TRMT1: variants seen among roughly 807,000 people sequenced by gnomAD.
The protein encoded by TRMT1 is tRNA methyltransferase 1, also known as tRNA (guanine(26)-N(2))-dimethyltransferase.
TRMT1 carries 63 observed loss-of-function variants against 75.4 expected under a neutral mutation model. That is an observed-to-expected ratio of 0.84 (90% CI 0.68 to 1.03). The LOEUF (loss-of-function observed/expected upper bound fraction) is 1.03. Ranked by LOEUF, TRMT1 falls within the 50% of genes least tolerant of loss-of-function variation. TRMT1 has a pLI of 0.00. For synonymous variants in TRMT1, 382 were observed against 358.1 expected, an observed-to-expected ratio of 1.07 and a Z score of -0.75; for missense variants, 870 against 905.3, an observed-to-expected ratio of 0.96 and a Z score of 0.50.
chr19:13,110,395 G>A, intron 7 of TRMT1, 89 bp from the exon 8 acceptor site: 1 of 1,422,556 alleles, frequency 7.0e-7, no homozygotes, highest in Non-Finnish European at 9.3e-7. Context: ...TACAGGCTCA[G>A]GGCCAGCTCC....
Position 13,108,776 on chromosome 19 carries a change from A to G in TRMT1, c.1397+605T>C, listed in dbSNP as rs575947364. 6.8e-4 allele frequency among the ~76,000 whole-genome samples: 103 copies of G among 151,216 alleles called. No individual in the cohort carries two copies. The South Asian group carries it at 0.019, about 28-fold the overall frequency. The stretch of plus-strand genomic sequence containing the variant: ...AGGCATGTGCCACCACACCCAGCTA[A>G]TTTTTGTATTTTTAGTAGAGACAGG... On this transcript the variant is annotated intron_variant, in intron 12 of 16. Coordinates refer to ENST00000357720, the MANE Select transcript of TRMT1 (RefSeq NM_001136035.4).
Position 13,105,027 on chromosome 19 carries a change from T to G in TRMT1, c.1888A>C (p.Arg630=). Reference sequence around the variant, plus strand: ...TCAGGGGCAGCATCAGCAGAAACCCTGGGTGTCGGGGGGCTGTGGGAGTAG... The same window carrying G: ...TCAGGGGCAGCATCAGCAGAAACCCGGGGTGTCGGGGGGCTGTGGGAGTAG... The part of the protein sequence containing the change: ...CCYSHSPPTP[R]VSADAAPDCP... The change falls in exon 17 of 17, where the codon AGG becomes CGG. Residue 630 remains arginine, a synonymous_variant. Coordinates refer to ENST00000357720, the MANE Select transcript of TRMT1 (RefSeq NM_001136035.4). 2.5e-6 allele frequency: 4 copies of G among 1,611,488 alleles called. No homozygotes were observed. The highest frequency in any genetic ancestry group is 3.4e-6 in the Non-Finnish European group (4 of 1,178,530).
intron 3 of TRMT1, 78 bp downstream of exon 3, chr19:13,115,919 T>A: frequency 6.2e-7 from 1 of 1,611,792 alleles, no homozygotes; most frequent in South Asian, 1.1e-5. Context: ...CCCCTCTGGA[T>A]TTGGGCGGCA....
chr19:13,105,574 G>A lies in TRMT1; in HGVS notation c.1616C>T (p.Ala539Val), dbSNP rs1025444761. Residue 539 changes from alanine to valine, a missense_variant, in exon 15 of 17, where the codon GCC (alanine) becomes GTC (valine). Transcript: ENST00000357720. Reference protein sequence around the residue: ...LQANFTIREDANPSSRQRGLK... With the variant: ...LQANFTIREDVNPSSRQRGLK... ...TCCTCGCTGTCGGGAGCTGGGGTTGGCATCTTCCCGGATGGTGAAGTTGGC... is the reference window on the plus strand; with the variant it reads ...TCCTCGCTGTCGGGAGCTGGGGTTGACATCTTCCCGGATGGTGAAGTTGGC... 10 of 1,613,742 alleles carry A rather than the reference G, an allele frequency of 6.2e-6. No homozygotes were observed. Among genetic ancestry groups the A allele is most frequent in the Non-Finnish European group, 6.8e-6 (8 of 1,179,980 alleles).
chr19:13,111,759 GCA>G (rs1466141652), intron 7 of TRMT1, among the ~76,000 whole-genome samples: 3 of 150,032 alleles, frequency 2.0e-5, no homozygotes, highest in Non-Finnish European at 3.0e-5. Flanking sequence ...GAGTGCAGTG[GCA>G]CAGTCTCAGC....
intron 14 of TRMT1, among the ~76,000 whole-genome samples, chr19:13,106,043 G>A (rs1568357532): frequency 6.6e-6 from 1 of 151,712 alleles, no homozygotes; most frequent in Non-Finnish European, 1.5e-5. Flanking sequence ...GCCTGGGCAA[G>A]AGAGTGAGCC....
chr19:13,107,129 C>T (rs1293170947), intron 14 of TRMT1, among the ~76,000 whole-genome samples: 1 of 149,352 alleles, frequency 6.7e-6, no homozygotes, highest in Non-Finnish European at 1.5e-5. Flanking sequence ...AGCCACCGCA[C>T]CCAGCTATTT....
intron 11 of TRMT1, 27 bp from the exon 12 acceptor site, chr19:13,109,493 A>T (rs752678959): frequency 1.9e-6 from 3 of 1,613,966 alleles, no homozygotes; most frequent in East Asian, 4.5e-5. Context: ...GATGGGCATG[A>T]GTGGAGATGG....
rs764595962 is a variant in TRMT1, at chr19:13,105,500, G to A, written c.1690C>T (p.Arg564Cys). The change falls in exon 15 of 17, where the codon CGT becomes TGT. Residue 564 changes from arginine (R) to cysteine (C), a missense_variant. Transcript: ENST00000357720. ...NPEANWGPRP[R>C]ARPGGKAADE... Reference sequence around the variant, plus strand: ...ACCACCACTCACCCTGGCCGGGCACGAGGCCGGGGACCCCAGTTGGCCTCC... The same window carrying A: ...ACCACCACTCACCCTGGCCGGGCACAAGGCCGGGGACCCCAGTTGGCCTCC... The A allele has an allele frequency of 1.2e-6, 2 of 1,614,026 alleles. No individual in the cohort carries two copies. The highest frequency in any genetic ancestry group is 2.2e-5 in the East Asian group (1 of 44,878).
In TRMT1 at chr19:13,115,641, C is replaced by G. The variant is rs367742223; in HGVS notation, c.438G>C (p.Val146=). 1.2e-5 allele frequency: 19 copies of G among 1,614,004 alleles called. No homozygotes were observed. Among genetic ancestry groups the G allele is most frequent in the East Asian group, 4.5e-5 (2 of 44,874 alleles). ...CAGGCCCCACCTCACAGATCTCCCC[C>G]ACGGCCGCTGTGCGAGGTTGGTCTC... is the stretch of plus-strand genomic sequence containing the variant. ...ASGDQPRTAA[V]GEICEEGLHV... Residue 146 remains valine (V), a synonymous_variant, in exon 4 of 17, where the codon GTG becomes GTC. Transcript: ENST00000357720.
intron 14 of TRMT1, 65 bp from the exon 15 acceptor site, chr19:13,105,671 C>A: frequency 6.7e-7 from 1 of 1,488,132 alleles, no homozygotes; most frequent in East Asian, 2.3e-5. Context: ...TCCCCACTCC[C>A]CACAGGGCCT....
In TRMT1 at chr19:13,110,199, G is replaced by A; in HGVS notation, c.978C>T (p.Val326=). ...ISADFYVRVF[V]RVFTGQAKVK... is the part of the protein sequence containing the mutation. ...CCTTGGCCTGGCCGGTGAAGACACG[G>A]ACAAAAACACGCACGTAGAAGTCAG... The change falls in exon 8 of 17, where the codon GTC becomes GTT. Residue 326 remains valine, a synonymous_variant. Transcript: ENST00000357720. 1.2e-6 allele frequency: 2 copies of A among 1,612,500 alleles called. No individual in the cohort carries two copies. Among genetic ancestry groups the A allele is most frequent in the African/African-American group, 1.3e-5 (1 of 75,000 alleles).
chr19:13,116,333 A>T lies in TRMT1; in HGVS notation c.67T>A (p.Phe23Ile). 1 of 1,613,484 alleles carries T rather than the reference A, an allele frequency of 6.2e-7. No homozygotes were observed. The highest frequency in any genetic ancestry group is 8.5e-7 in the Non-Finnish European group (1 of 1,179,926). ...RSARVLSRAR[F>I]FEWQSPGLPN... ...AGCCCTGGAGACTGCCACTCGAAAA[A>T]CCGGGCTCTAGAGAGCACCCGGGCG... is the stretch of plus-strand genomic sequence containing the variant. The change falls in exon 2 of 17, where the codon TTT (phenylalanine) becomes ATT (isoleucine). Residue 23 changes from phenylalanine (F) to isoleucine (I), a missense_variant. Physicochemically the swap from Phe to Ile is conservative, Grantham distance 21. Coordinates refer to ENST00000357720, the MANE Select transcript of TRMT1 (RefSeq NM_001136035.4).
rs2018788805 is a variant in TRMT1 at position 13,105,058 on chromosome 19, C to G, written c.1857G>C (p.Gln619His). The G allele has an allele frequency of 6.3e-7, 1 of 1,597,866 alleles. No homozygotes were observed. The change falls in exon 17 of 17, where the codon CAG (glutamine) becomes CAC (histidine). Residue 619 changes from glutamine to histidine, a missense_variant. By Grantham distance (24) the Gln-to-His change is conservative (BLOSUM62 0). Coordinates refer to ENST00000357720, the MANE Select transcript of TRMT1 (RefSeq NM_001136035.4). Reference sequence around the variant, plus strand: ...TCGGGGGGCTGTGGGAGTAGCAGCACTGGTCCCCGCGTTGACAGGTGCCCT... The same window carrying G: ...TCGGGGGGCTGTGGGAGTAGCAGCAGTGGTCCCCGCGTTGACAGGTGCCCT... ...FKEGTCQRGD[Q>H]CCYSHSPPTP...
intron 8 of TRMT1, 72 bp from the exon 9 acceptor site, chr19:13,110,073 C>G: frequency 1.9e-6 from 3 of 1,610,594 alleles, no homozygotes; most frequent in South Asian, 2.2e-5. Flanking sequence ...TAGACTGGCT[C>G]TGTCCCTTAA....
At position 13,105,330 on chromosome 19, in the gene TRMT1, C is replaced by G; in HGVS notation, c.1770G>C (p.Pro590=). 6.2e-7 allele frequency: 1 copy of G among 1,613,986 alleles called. No individual in the cohort carries two copies. Among genetic ancestry groups the G allele is most frequent in the Non-Finnish European group, 8.5e-7 (1 of 1,180,032 alleles). Residue 590 remains proline (P), a synonymous_variant, in exon 16 of 17, where the codon CCG becomes CCC. Coordinates refer to ENST00000357720, the MANE Select transcript of TRMT1 (RefSeq NM_001136035.4). Reference sequence around the variant, plus strand: ...CAGCCCGCTGGGCCACATCTTCCGGCGGCTCCTTCCGCTTGTTCTGAAGCA... The same window carrying G: ...CAGCCCGCTGGGCCACATCTTCCGGGGGCTCCTTCCGCTTGTTCTGAAGCA... The part of the protein sequence containing the change: ...RRLLQNKRKE[P]PEDVAQRAAR...
At chr19:13,108,285 G>C (rs1322761978) in intron 12 of TRMT1, among the ~76,000 whole-genome samples, 1 of 145,826 alleles carries the variant, frequency 6.9e-6, no homozygotes, top group Non-Finnish European at 1.5e-5. Flanking sequence ...CACCGTGCCT[G>C]GCCTTCTTAT....
At chr19:13,107,037 T>C (rs1353229981) in intron 14 of TRMT1, among the ~76,000 whole-genome samples, 4 of 144,640 alleles carry the variant, frequency 2.8e-5, no homozygotes, top group Non-Finnish European at 4.5e-5. Context: ...AGGGTTTCAC[T>C]GTGTTAGCCA....
Position 13,109,890 on chromosome 19 carries a change from C to G in TRMT1, c.1106+25G>C, listed in dbSNP as rs778639568. 4.3e-6 allele frequency: 7 copies of G among 1,614,016 alleles called. No individual in the cohort carries two copies. In the South Asian group the frequency reaches 6.6e-5, roughly 15 times the overall value. On this transcript the variant is annotated intron_variant, in intron 9 of 16. Coordinates refer to ENST00000357720, the MANE Select transcript of TRMT1 (RefSeq NM_001136035.4). ...GAGGGAGGAAAACCCTGGGACTCCC[C>G]TTCTTCTCCTTCCTCCCTGCTCACC...
Sources: allele counts gnomAD v4.1 joint callset (sites outside exome capture counted in the v4.1 genomes callset), GRCh38; gene constraint gnomAD v4.1.1; transcripts MANE v1.5; gene names NCBI Gene and HGNC (gene_info 2026-07-23, HGNC 2026-07-21).